Variants in IGF1 observed in about 807,000 individuals in gnomAD.
IGF1 encodes insulin-like growth factor 1.
In IGF1, 4 loss-of-function variants were observed where a neutral mutation model predicts 13.8. The ratio of observed to expected loss-of-function variants is 0.29; its 90% CI spans 0.14 to 0.66. The LOEUF (loss-of-function observed/expected upper bound fraction) is 0.66. Among genes scored for constraint, IGF1 ranks in the 30% least tolerant of loss-of-function variants. The pLI is 0.78. For missense variants in IGF1, 124 were observed against 188.5 expected (o/e 0.66, Z 2.00); for synonymous variants, 76 against 72.6 (o/e 1.05, Z -0.23).
intron 1 of IGF1, among the ~76,000 whole-genome samples, chr12:102,476,408 T>C: frequency 9.6e-6 from 1 of 104,170 alleles, no homozygotes; most frequent in East Asian, 2.8e-4. Flanking sequence ...GTTTCCTCAA[T>C]ATGAGAGAGA....
At chr12:102,463,606 G>C (rs1252347259) in intron 2 of IGF1, 1 of 152,186 alleles carries the variant, frequency 6.6e-6, no homozygotes, top group Non-Finnish European at 1.5e-5. Context: ...GTTATCCGAT[G>C]GATGGTAGAA....
chr12:102,476,511 G>GA (rs1398617633), intron 1 of IGF1, among the ~76,000 whole-genome samples: 7 of 151,012 alleles, frequency 4.6e-5, no homozygotes, highest in African/African-American at 1.7e-4. Flanking sequence ...AACAGAAACA[G>GA]AAAAAAATAT....
intron 2 of IGF1, among the ~76,000 whole-genome samples, chr12:102,441,915 C>CCTTCTTCTCCTT (rs1877799506): frequency 8.2e-6 from 1 of 122,140 alleles, no homozygotes; most frequent in Middle Eastern, 3.4e-3. Context: ...TGCTTCTTCT[C>CCTTCTTCTCCTT]CTTCTTCTTC....
intron 3 of IGF1, among the ~76,000 whole-genome samples, chr12:102,406,962 C>T (rs987833639): frequency 3.3e-5 from 5 of 151,688 alleles, no homozygotes; most frequent in East Asian, 1.9e-4. Flanking sequence ...GGTGTGGTGG[C>T]GTGTGCCTGT....
At chr12:102,437,617 G>A (rs975850102) in intron 2 of IGF1, among the ~76,000 whole-genome samples, 1 of 152,162 alleles carries the variant, frequency 6.6e-6, no homozygotes, top group Non-Finnish European at 1.5e-5. Context: ...TAGAGGCTGC[G>A]GAGCATTAGT....
intron 3 of IGF1, among the ~76,000 whole-genome samples, chr12:102,407,382 G>A (rs769410517): frequency 6.6e-6 from 1 of 152,276 alleles, no homozygotes; most frequent in Non-Finnish European, 1.5e-5. Context: ...TTGAACATTT[G>A]TCATGTGCTG....
At chr12:102,478,602 T>C in intron 1 of IGF1, 1 of 1,549,328 alleles carries the variant, frequency 6.5e-7, no homozygotes, top group Non-Finnish European at 8.7e-7. Context: ...GCTTTGTGGG[T>C]GGGGTTTGTG....
chr12:102,404,728 G>A (rs1220734976), intron 3 of IGF1, among the ~76,000 whole-genome samples: 1 of 151,086 alleles, frequency 6.6e-6, no homozygotes. Flanking sequence ...CTACTGCTAA[G>A]TTCCCAGTAA....
intron 1 of IGF1, among the ~76,000 whole-genome samples, chr12:102,479,638 G>A (rs1881284896): frequency 6.6e-6 from 1 of 152,134 alleles, no homozygotes; most frequent in East Asian, 1.9e-4. Flanking sequence ...GCAGCTCTTA[G>A]AAAGTTTCTG....
intron 2 of IGF1, among the ~76,000 whole-genome samples, chr12:102,444,819 CAT>C (rs1220241170): frequency 6.6e-6 from 1 of 152,034 alleles, no homozygotes; most frequent in African/African-American, 2.4e-5. Context: ...TGCGTTAACT[CAT>C]AAATAACTAT....
intron 2 of IGF1, among the ~76,000 whole-genome samples, chr12:102,432,979 G>T (rs970190460): frequency 1.3e-5 from 2 of 152,230 alleles, no homozygotes; most frequent in South Asian, 4.1e-4. Flanking sequence ...TCAACACACA[G>T]CTGCCAAGAC....
intron 3 of IGF1, among the ~76,000 whole-genome samples, chr12:102,406,963 G>A (rs112369122): frequency 1.6e-4 from 24 of 151,908 alleles, no homozygotes; most frequent in African/African-American, 3.6e-4. Flanking sequence ...GTGTGGTGGC[G>A]TGTGCCTGTA....
chr12:102,413,816 C>T (rs974082985), intron 3 of IGF1, among the ~76,000 whole-genome samples: 4 of 152,036 alleles, frequency 2.6e-5, no homozygotes, highest in Non-Finnish European at 4.4e-5. Flanking sequence ...TTATATGACC[C>T]GGAAACAGAA....
At chr12:102,476,068 A>G (rs190087958) in intron 1 of IGF1, among the ~76,000 whole-genome samples, 93 of 152,284 alleles carry the variant, frequency 6.1e-4, no homozygotes, top group Non-Finnish European at 1.2e-3. Context: ...TCCTATTTCA[A>G]TGAATTGAGA....
intron 2 of IGF1, among the ~76,000 whole-genome samples, chr12:102,445,944 G>C (rs770447012): frequency 4.7e-4 from 72 of 152,054 alleles, no homozygotes; most frequent in Non-Finnish European, 7.1e-4. Flanking sequence ...TAGCATGAAG[G>C]GCTGTTGAAT....
chr12:102,406,908 C>G (rs1309080867), intron 3 of IGF1, among the ~76,000 whole-genome samples: 2 of 151,972 alleles, frequency 1.3e-5, no homozygotes, highest in East Asian at 3.9e-4. Context: ...GCCTGGCCAA[C>G]ATGGTGAAAC....
At chr12:102,470,264 C>T (rs948822769) in intron 2 of IGF1, among the ~76,000 whole-genome samples, 4 of 152,180 alleles carry the variant, frequency 2.6e-5, no homozygotes, top group Admixed American at 2.6e-4. Context: ...AAGTAAGTTG[C>T]AGAGCTGGGG....
At chr12:102,466,040 G>A (rs1291318559) in intron 2 of IGF1, among the ~76,000 whole-genome samples, 1 of 151,918 alleles carries the variant, frequency 6.6e-6, no homozygotes, top group Admixed American at 6.6e-5. Flanking sequence ...AAACTTCTAA[G>A]CACAGGGTTC....
chr12:102,453,070 T>G (rs1879102217), intron 2 of IGF1, among the ~76,000 whole-genome samples: 1 of 151,998 alleles, frequency 6.6e-6, no homozygotes, highest in East Asian at 1.9e-4. Context: ...ATGAAAGGAG[T>G]CTTCTCAGAA....
Sources: allele counts gnomAD v4.1 joint callset (sites outside exome capture counted in the v4.1 genomes callset), GRCh38; gene constraint gnomAD v4.1.1; transcripts MANE v1.5; gene names NCBI Gene and HGNC (gene_info 2026-07-23, HGNC 2026-07-21).